KIF16B: variants seen among roughly 807,000 people sequenced by gnomAD.
The protein encoded by KIF16B is kinesin-like protein KIF16B.
Under a neutral mutation model 156.3 loss-of-function variants are expected in KIF16B, and 98 were observed. The ratio of observed to expected loss-of-function variants is 0.63; its 90% CI spans 0.53 to 0.74. KIF16B has a LOEUF of 0.74. Among genes scored for constraint, KIF16B ranks in the 30% least tolerant of loss-of-function variants. KIF16B has a pLI of 0.00. For missense variants in KIF16B, 1,421 were observed against 1,606.5 expected (o/e 0.88, Z 1.97); for synonymous variants, 564 against 583.7 (o/e 0.97, Z 0.49).
chr20:16,511,305 T>A, intron 6 of KIF16B, 113 bp downstream of exon 6: 1 of 543,134 alleles, frequency 1.8e-6, no homozygotes, highest in Non-Finnish European at 3.2e-6. Context: ...ATAATAAAAT[T>A]CCAAAATTAA....
At chr20:16,365,636 G>C (rs934106961) in intron 22 of KIF16B, among the ~76,000 whole-genome samples, 1 of 152,188 alleles carries the variant, frequency 6.6e-6, no homozygotes, top group South Asian at 2.1e-4. Context: ...TGGGTAGCTT[G>C]TCATTTCCTC....
chr20:16,275,357 G>A (rs1280070267), intron 25 of KIF16B, among the ~76,000 whole-genome samples: 1 of 152,178 alleles, frequency 6.6e-6, no homozygotes, highest in Non-Finnish European at 1.5e-5. Flanking sequence ...CGCCCGGCCA[G>A]ATAAACTGTA....
intron 25 of KIF16B, among the ~76,000 whole-genome samples, chr20:16,303,401 C>G (rs535982730): frequency 6.6e-6 from 1 of 152,096 alleles, no homozygotes; most frequent in South Asian, 2.1e-4. Context: ...TCATTTGATC[C>G]CCTCAACAAT....
chr20:16,530,006 T>C (rs987756550), intron 1 of KIF16B, among the ~76,000 whole-genome samples: 3 of 152,184 alleles, frequency 2.0e-5, no homozygotes, highest in African/African-American at 4.8e-5. Flanking sequence ...AGAAACTTCA[T>C]CTTTCATCCA....
chr20:16,511,410 A>C lies in KIF16B; in HGVS notation c.556+8T>G, dbSNP rs1453364381. ...AAAAGAATATGGCTGTGAAATATCT[A>C]CTCTTACCCTCAACATAAGGGCCTT... On this transcript the variant is annotated splice_region_variant and intron_variant, in intron 6 of 25. Coordinates refer to ENST00000354981, the MANE Select transcript of KIF16B (RefSeq NM_024704.5). 1 of 1,466,616 alleles carries C rather than the reference A, an allele frequency of 6.8e-7. No individual in the cohort carries two copies. Among genetic ancestry groups the C allele is most frequent in the East Asian group, 2.3e-5 (1 of 43,872 alleles). 90.9% of individuals were successfully genotyped at this position (1,466,616 alleles called of 1,614,324 possible).
intron 12 of KIF16B, among the ~76,000 whole-genome samples, chr20:16,459,799 A>G (rs4814499): frequency 0.54 from 82,744 of 152,042 alleles, 23,833 homozygotes; most frequent in African/African-American, 0.75. Context: ...TGCACCAAAG[A>G]ATCTCATATG....
intron 12 of KIF16B, among the ~76,000 whole-genome samples, chr20:16,465,378 T>C (rs1231751826): frequency 6.6e-6 from 1 of 152,238 alleles, no homozygotes; most frequent in Non-Finnish European, 1.5e-5. Context: ...TCCTTGGAGA[T>C]GGTCAATACC....
At chr20:16,504,054 A>C (rs1030631120) in intron 10 of KIF16B, among the ~76,000 whole-genome samples, 1 of 152,222 alleles carries the variant, frequency 6.6e-6, no homozygotes, top group African/African-American at 2.4e-5. Context: ...TACTATTCTA[A>C]GCATATCAAT....
intron 21 of KIF16B, 25 bp downstream of exon 21, chr20:16,371,640 G>C (rs751994693): frequency 7.5e-7 from 1 of 1,335,548 alleles, no homozygotes; most frequent in Admixed American, 1.9e-5. Flanking sequence ...TTGTTACTTC[G>C]TGTTACTTGG....
At chr20:16,566,165 A>G (rs995762226) in intron 1 of KIF16B, among the ~76,000 whole-genome samples, 6 of 152,226 alleles carry the variant, frequency 3.9e-5, no homozygotes, top group South Asian at 2.1e-4. Context: ...GGCTTTGTTT[A>G]TAAGTTTTGT....
intron 25 of KIF16B, among the ~76,000 whole-genome samples, chr20:16,274,134 A>G (rs2063026191): frequency 6.6e-6 from 1 of 152,016 alleles, no homozygotes; most frequent in Non-Finnish European, 1.5e-5. Flanking sequence ...TGTGCTGCTT[A>G]CTGGTATTTT....
chr20:16,492,640 C>A (rs996792310), intron 12 of KIF16B, among the ~76,000 whole-genome samples: 3 of 152,038 alleles, frequency 2.0e-5, no homozygotes, highest in African/African-American at 7.3e-5. Context: ...TGTCATAGTT[C>A]TCGGTGTGGA....
At chr20:16,544,254 C>T (rs2070314011) in intron 1 of KIF16B, among the ~76,000 whole-genome samples, 1 of 152,070 alleles carries the variant, frequency 6.6e-6, no homozygotes, top group Non-Finnish European at 1.5e-5. Flanking sequence ...CTTGCTCATG[C>T]TGGTCCTTCT....
intron 12 of KIF16B, among the ~76,000 whole-genome samples, chr20:16,457,382 C>G (rs1327670106): frequency 6.6e-6 from 1 of 152,150 alleles, no homozygotes; most frequent in Non-Finnish European, 1.5e-5. Context: ...CCCCGAAAAC[C>G]ATACTCATTG....
intron 12 of KIF16B, among the ~76,000 whole-genome samples, chr20:16,430,200 T>C (rs2066461801): frequency 6.6e-6 from 1 of 152,192 alleles, no homozygotes; most frequent in South Asian, 2.1e-4. Flanking sequence ...ATTAAACTCA[T>C]TGCCTGATAC....
intron 12 of KIF16B, among the ~76,000 whole-genome samples, chr20:16,476,053 T>C (rs1376043886): frequency 1.3e-5 from 2 of 152,206 alleles, no homozygotes; most frequent in Non-Finnish European, 2.9e-5. Context: ...CCCAATTCCA[T>C]GGTATTGACA....
chr20:16,498,616 A>G (rs566614805), intron 10 of KIF16B, among the ~76,000 whole-genome samples: 2 of 152,224 alleles, frequency 1.3e-5, no homozygotes, highest in Admixed American at 1.3e-4. Context: ...TAACAATTCC[A>G]ATTTAATTAT....
chr20:16,315,077 TCA>T (rs1210366531), intron 24 of KIF16B, among the ~76,000 whole-genome samples: 1 of 152,004 alleles, frequency 6.6e-6, no homozygotes, highest in Non-Finnish European at 1.5e-5. Context: ...ATAGTCACAC[TCA>T]CATGCTCAAT....
chr20:16,379,561 T>C lies in KIF16B; in HGVS notation c.2441A>G (p.Asp814Gly), dbSNP rs775758267. 18 of 1,614,126 alleles carry C rather than the reference T, an allele frequency of 1.1e-5. No homozygotes were observed. The South Asian group carries it at 1.9e-4, about 17-fold the overall frequency. Reference protein sequence around the residue: ...VKEARAGGDEDGEELEKAQLR... With the variant: ...VKEARAGGDEGGEELEKAQLR... ...TTGAGCCTTTTCTAACTCCTCGCCA[T>C]CTTCATCCCCTCCGGCACGAGCCTC... is the stretch of plus-strand genomic sequence containing the variant. Residue 814 changes from aspartate to glycine, a missense_variant, in exon 19 of 26, where the codon GAT becomes GGT. Coordinates refer to ENST00000354981, the MANE Select transcript of KIF16B (RefSeq NM_024704.5).
Sources: gnomAD v4.1 joint callset for allele counts (sites outside exome capture counted in the v4.1 genomes callset) on GRCh38, gnomAD v4.1.1 for gene constraint, MANE v1.5 for transcripts, NCBI Gene and HGNC (gene_info 2026-07-23, HGNC 2026-07-21) for gene names.